Variants in ENOX2 observed in about 807,000 individuals in gnomAD.
ENOX2 encodes ecto-NOX disulfide-thiol exchanger 2, also known as APK1 antigen.
A neutral mutation model predicts 45.0 loss-of-function variants in ENOX2; 36 were observed. The observed-to-expected ratio is 0.80, with a 90% CI of 0.61 to 1.06. The LOEUF (loss-of-function observed/expected upper bound fraction) is 1.06. Ranked by LOEUF, ENOX2 falls within the 50% of genes least tolerant of loss-of-function variation. The pLI is 0.00. For missense variants in ENOX2, 423 were observed against 462.5 expected (o/e 0.91, Z 0.78); for synonymous variants, 174 against 152.3 (o/e 1.14, Z -1.05).
In ENOX2 at chrX:130,649,343, C is replaced by T. The variant is rs1477687806; in HGVS notation, c.1129+7238G>A. Among the ~76,000 whole-genome samples, 7 of 109,042 alleles carry T rather than the reference C, an allele frequency of 6.4e-5. No individual in the cohort carries two copies. In the East Asian group the frequency reaches 1.1e-3, roughly 18 times the overall value. 94.7% of individuals were successfully genotyped at this position (109,042 alleles called of 115,157 possible). ...CAAAAAAAAAAAAAATCCACATTAG[C>T]GTGAAAACATTCTGTACTCCTAAAA... On this transcript the variant is annotated intron_variant, in intron 10 of 14. Transcript: ENST00000394363.
chrX:130,870,726 C>T, intron 2 of ENOX2, among the ~76,000 whole-genome samples: 1 of 111,743 alleles, frequency 8.9e-6, no homozygotes, highest in Non-Finnish European at 1.9e-5. Flanking sequence ...GTTCCAGCAA[C>T]TGCTGAGAAT....
rs200482061 is a variant in ENOX2 at position 130,631,538 on chromosome X, A to G, written c.1458T>C (p.Asp486=). Residue 486 remains aspartate, a synonymous_variant, in exon 13 of 15, where the codon GAT becomes GAC. Transcript: ENST00000394363. The part of the protein sequence containing the change: ...CASRLCASNQ[D]SEYPLEKTMN... Reference sequence around the variant, plus strand: ...TGGTCTTCTCAAGAGGGTATTCGCTATCCTGGTTTGAGGCACACAGCCTAG... The same window carrying G: ...TGGTCTTCTCAAGAGGGTATTCGCTGTCCTGGTTTGAGGCACACAGCCTAG... 8.3e-7 allele frequency: 1 copy of G among 1,203,042 alleles called. No individual in the cohort carries two copies. Among genetic ancestry groups the G allele is most frequent in the Non-Finnish European group, 1.1e-6 (1 of 889,029 alleles).
chrX:130,708,001 A>C (rs1023678319), intron 3 of ENOX2, among the ~76,000 whole-genome samples: 6 of 112,260 alleles, frequency 5.3e-5, no homozygotes, highest in Non-Finnish European at 9.4e-5. Context: ...TGAGGATATT[A>C]GGGTGAGTCA....
chrX:130,789,099 C>T (rs2077006889), intron 2 of ENOX2, among the ~76,000 whole-genome samples: 1 of 111,712 alleles, frequency 9.0e-6, no homozygotes, highest in Non-Finnish European at 1.9e-5. Context: ...TGACATTTCT[C>T]ATCTAATGGA....
chrX:130,879,420 C>A (rs2078766300), intron 2 of ENOX2, among the ~76,000 whole-genome samples: 1 of 110,827 alleles, frequency 9.0e-6, no homozygotes, highest in African/African-American at 3.3e-5. Flanking sequence ...TCTCTCTTCT[C>A]TCTTCCCTTC....
chrX:130,676,494 TG>T (rs1200764760), intron 6 of ENOX2, among the ~76,000 whole-genome samples: 3 of 111,496 alleles, frequency 2.7e-5, no homozygotes, highest in African/African-American at 9.8e-5. Flanking sequence ...GCCCTAAGAA[TG>T]TTTCTAGGAG....
At chrX:130,793,686 G>C (rs1259262014) in intron 2 of ENOX2, among the ~76,000 whole-genome samples, 3 of 111,660 alleles carry the variant, frequency 2.7e-5, no homozygotes, top group Non-Finnish European at 1.9e-5. Context: ...CATCTCCCAG[G>C]CCTGGTAAAG....
At chrX:130,849,093 G>A (rs1471015247) in intron 2 of ENOX2, among the ~76,000 whole-genome samples, 2 of 112,416 alleles carry the variant, frequency 1.8e-5, no homozygotes, top group African/African-American at 6.5e-5. Flanking sequence ...TACTTTTAAA[G>A]CCATCAGTCA....
chrX:130,887,277 G>T (rs1244023178), intron 2 of ENOX2, among the ~76,000 whole-genome samples: 1 of 111,324 alleles, frequency 9.0e-6, no homozygotes, highest in Admixed American at 9.5e-5. Context: ...GTATCCTATC[G>T]TGAGTTATTC....
chrX:130,791,843 C>A (rs2077047771), intron 2 of ENOX2, among the ~76,000 whole-genome samples: 3 of 111,986 alleles, frequency 2.7e-5, no homozygotes, highest in African/African-American at 9.7e-5. Context: ...TTCTGAAGGG[C>A]AAAACAGTCC....
At chrX:130,851,161 G>GAATT (rs1473017356) in intron 2 of ENOX2, among the ~76,000 whole-genome samples, 3 of 112,562 alleles carry the variant, frequency 2.7e-5, no homozygotes, top group Non-Finnish European at 5.6e-5. Context: ...TCTCAAACCA[G>GAATT]AATTGTATTT....
intron 2 of ENOX2, among the ~76,000 whole-genome samples, chrX:130,799,473 A>C (rs774412389): frequency 3.6e-5 from 4 of 111,011 alleles, no homozygotes; most frequent in African/African-American, 9.8e-5. Flanking sequence ...CTCCTTAATA[A>C]ACTCCCCTTT....
chrX:130,816,469 T>C (rs1251411976), intron 2 of ENOX2, among the ~76,000 whole-genome samples: 1 of 111,917 alleles, frequency 8.9e-6, no homozygotes, highest in African/African-American at 3.3e-5. Context: ...ATATACATTC[T>C]TCTCAGCACC....
intron 2 of ENOX2, among the ~76,000 whole-genome samples, chrX:130,800,183 G>A (rs1257229202): frequency 9.0e-6 from 1 of 110,981 alleles, no homozygotes; most frequent in African/African-American, 3.3e-5. Flanking sequence ...CTGACATAAT[G>A]ACAAAAATTC....
chrX:130,760,963 G>GATTA (rs1175665260), intron 3 of ENOX2, among the ~76,000 whole-genome samples: 2 of 108,123 alleles, frequency 1.8e-5, no homozygotes, highest in Non-Finnish European at 3.8e-5. Flanking sequence ...GAATATGGTA[G>GATTA]ATTACATTGA....
intron 3 of ENOX2, among the ~76,000 whole-genome samples, chrX:130,773,026 T>C (rs147673026): frequency 8.9e-6 from 1 of 112,724 alleles, no homozygotes; most frequent in East Asian, 2.8e-4. Flanking sequence ...ATTTGCTTAA[T>C]GACTGTCTTC....
At chrX:130,632,488 C>T (rs1206054118) in intron 12 of ENOX2, among the ~76,000 whole-genome samples, 4 of 107,597 alleles carry the variant, frequency 3.7e-5, no homozygotes, top group African/African-American at 1.0e-4. Flanking sequence ...AATATCTTTT[C>T]TGTTATTATA....
chrX:130,736,849 G>T (rs2038872659), intron 3 of ENOX2, among the ~76,000 whole-genome samples: 2 of 111,596 alleles, frequency 1.8e-5, no homozygotes, highest in African/African-American at 6.5e-5. Context: ...TGCTACTTGA[G>T]ATGATAATTT....
At chrX:130,887,924 A>G (rs923001962) in intron 2 of ENOX2, among the ~76,000 whole-genome samples, 4 of 112,046 alleles carry the variant, frequency 3.6e-5, no homozygotes, top group Non-Finnish European at 7.5e-5. Context: ...TTCAGAATGA[A>G]TATTTGCTAA....
Sources: gnomAD v4.1 joint callset for allele counts (sites outside exome capture counted in the v4.1 genomes callset) on GRCh38, gnomAD v4.1.1 for gene constraint, MANE v1.5 for transcripts, NCBI Gene and HGNC (gene_info 2026-07-23, HGNC 2026-07-21) for gene names.